The following AP3B1 variants were observed in gnomAD, a reference collection of about 807,000 sequenced individuals.
AP3B1 encodes the protein AP-3 complex subunit beta-1.
A neutral mutation model predicts 132.5 loss-of-function variants in AP3B1; 61 were observed. That is an observed-to-expected ratio of 0.46 (90% confidence interval 0.37 to 0.57). The LOEUF is 0.57. Among genes scored for constraint, AP3B1 ranks in the 20% least tolerant of loss-of-function variants. The pLI, the probability that AP3B1 is intolerant of heterozygous loss-of-function variation, is 0.00. For missense variants in AP3B1, 1,120 were observed against 1,289.4 expected (o/e 0.87, Z 2.01); for synonymous variants, 388 against 438.3 (o/e 0.89, Z 1.43).
chr5:78,031,387 AT>A (rs2112086297), intron 24 of AP3B1, among the ~76,000 whole-genome samples: 1 of 152,310 alleles, frequency 6.6e-6, no homozygotes, highest in African/African-American at 2.4e-5. Flanking sequence ...ATCTGAGAAT[AT>A]TTTGGATACT....
intron 20 of AP3B1, among the ~76,000 whole-genome samples, chr5:78,104,228 G>A (rs1289579491): frequency 1.3e-5 from 2 of 152,068 alleles, no homozygotes; most frequent in African/African-American, 4.8e-5. Context: ...CAAGTTAACT[G>A]ACAAATATGA....
chr5:78,217,813 G>A (rs1746023906), intron 6 of AP3B1, among the ~76,000 whole-genome samples: 1 of 151,874 alleles, frequency 6.6e-6, no homozygotes, highest in South Asian at 2.1e-4. Context: ...TAGTATCTAG[G>A]ATAAAATGAT....
chr5:78,188,775 C>A (rs111278432), intron 7 of AP3B1, among the ~76,000 whole-genome samples: 1 of 152,150 alleles, frequency 6.6e-6, no homozygotes, highest in South Asian at 2.1e-4. Context: ...GATATATGCA[C>A]GCAAATGTTC....
intron 8 of AP3B1, among the ~76,000 whole-genome samples, chr5:78,179,732 T>C (rs1040575405): frequency 2.6e-5 from 4 of 152,162 alleles, no homozygotes; most frequent in African/African-American, 9.6e-5. Flanking sequence ...TGATGTATTA[T>C]GTTTCCTGAA....
At chr5:78,056,521 A>T (rs896167741) in intron 22 of AP3B1, among the ~76,000 whole-genome samples, 2 of 152,242 alleles carry the variant, frequency 1.3e-5, no homozygotes, top group African/African-American at 4.8e-5. Flanking sequence ...CTGAATCACC[A>T]TTGGAAAAAT....
At chr5:78,190,067 CATATA>C (rs1171626281) in intron 7 of AP3B1, among the ~76,000 whole-genome samples, 1 of 151,692 alleles carries the variant, frequency 6.6e-6, no homozygotes, top group Non-Finnish European at 1.5e-5. Flanking sequence ...TACAAATTAA[CATATA>C]ATATTACAGA....
intron 6 of AP3B1, among the ~76,000 whole-genome samples, chr5:78,223,225 C>A (rs1161936298): frequency 1.3e-5 from 2 of 151,850 alleles, no homozygotes; most frequent in East Asian, 3.9e-4. Flanking sequence ...CTGGAAGGAA[C>A]TCTGTGCTAT....
At chr5:78,290,923 C>G (rs1385746664) in intron 1 of AP3B1, among the ~76,000 whole-genome samples, 1 of 152,022 alleles carries the variant, frequency 6.6e-6, no homozygotes, top group East Asian at 1.9e-4. Context: ...GCACTCCAGC[C>G]TAGGCAACAG....
At chr5:78,202,336 T>C (rs1257988810) in intron 7 of AP3B1, among the ~76,000 whole-genome samples, 1 of 152,112 alleles carries the variant, frequency 6.6e-6, no homozygotes, top group Non-Finnish European at 1.5e-5. Context: ...CTGAGATTCA[T>C]TTATTTAGGA....
At chr5:78,239,066 A>G (rs531520363) in intron 3 of AP3B1, among the ~76,000 whole-genome samples, 1 of 152,060 alleles carries the variant, frequency 6.6e-6, no homozygotes, top group African/African-American at 2.4e-5. Context: ...AAAATAAAGG[A>G]TTTTTTTATA....
At position 78,020,746 on chromosome 5, in the gene AP3B1, C is replaced by T; in HGVS notation, c.2938G>A (p.Gly980Arg). The T allele has an allele frequency of 6.2e-7, 1 of 1,612,616 alleles. No individual in the cohort carries two copies. The highest frequency in any genetic ancestry group is 8.5e-7 in the Non-Finnish European group (1 of 1,179,250). The change falls in exon 25 of 27, where the codon GGA becomes AGA. Residue 980 changes from glycine (G) to arginine (R), a missense_variant. Gly to Arg is a moderately radical substitution (Grantham distance 125). This residue lies in a region of AP3B1 where 906 missense variants were observed against 997.1 expected (regional missense o/e 0.91). Coordinates refer to ENST00000255194, the MANE Select transcript of AP3B1 (RefSeq NM_003664.5). ...ATGGCCACAGGTAAAAGCAGTTCTC[C>T]AACAGGTGGCTGAATATTAACATTG... The part of the protein sequence containing the change: ...CFNVNIQPPV[G>R]ELLLPVAMSE...
intron 1 of AP3B1, among the ~76,000 whole-genome samples, chr5:78,284,172 G>C (rs1001765478): frequency 6.6e-6 from 1 of 152,148 alleles, no homozygotes; most frequent in Non-Finnish European, 1.5e-5. Flanking sequence ...GACTAGAGTG[G>C]TGGAGAAATT....
At position 78,034,498 on chromosome 5, in the gene AP3B1, C is replaced by T. The variant is rs2291514; in HGVS notation, c.2810-53G>A. 359 of 1,309,396 alleles carry T rather than the reference C, an allele frequency of 2.7e-4. 4 individuals carry two copies. The East Asian group carries it at 8.2e-3, about 30-fold the overall frequency. The allele number at this position is 1,309,396 out of a possible 1,614,324, so 81.1% of individuals were successfully genotyped here. On this transcript the variant is annotated intron_variant, in intron 23 of 26. Coordinates refer to ENST00000255194, the MANE Select transcript of AP3B1 (RefSeq NM_003664.5). ...AAACACAGAGGATGTGAAAAAGAGGCAAACTAAACACTGAAAATTTAGGTA... is the reference window on the plus strand; with the variant it reads ...AAACACAGAGGATGTGAAAAAGAGGTAAACTAAACACTGAAAATTTAGGTA...
intron 17 of AP3B1, among the ~76,000 whole-genome samples, chr5:78,127,572 A>G (rs1752514775): frequency 6.6e-6 from 1 of 152,146 alleles, no homozygotes; most frequent in African/African-American, 2.4e-5. Context: ...AATGCTCCCT[A>G]TTTATGTTCA....
intron 17 of AP3B1, among the ~76,000 whole-genome samples, chr5:78,121,560 C>T (rs1254878827): frequency 1.3e-5 from 2 of 152,184 alleles, no homozygotes; most frequent in Non-Finnish European, 2.9e-5. Flanking sequence ...GAGAACACTA[C>T]AAACATCTCT....
chr5:78,117,666 C>T (rs1017300888), intron 17 of AP3B1, among the ~76,000 whole-genome samples: 1 of 152,066 alleles, frequency 6.6e-6, no homozygotes, highest in Non-Finnish European at 1.5e-5. Flanking sequence ...TATTTATTAG[C>T]CTCTTAAAGA....
At chr5:78,122,994 C>G (rs1232646190) in intron 17 of AP3B1, among the ~76,000 whole-genome samples, 2 of 152,306 alleles carry the variant, frequency 1.3e-5, no homozygotes, top group East Asian at 1.9e-4. Context: ...GGTACCAAAA[C>G]AGAGATATAG....
At chr5:78,225,185 TA>T (rs1353003716) in intron 6 of AP3B1, among the ~76,000 whole-genome samples, 19 of 152,178 alleles carry the variant, frequency 1.2e-4, no homozygotes, top group Admixed American at 1.2e-3. Flanking sequence ...TTGAGAAATA[TA>T]AAGTGGGTAC....
Position 78,141,277 on chromosome 5 carries a change from T to C in AP3B1, c.1516A>G (p.Asn506Asp). The change falls in exon 15 of 27, where the codon AAC becomes GAC. Residue 506 changes from asparagine to aspartate, a missense_variant. By Grantham distance (23) the Asn-to-Asp change is conservative. Around this residue, in one of 3 missense-constraint regions of AP3B1, gnomAD observed 906 missense variants for 997.1 expected, o/e 0.91. Transcript: ENST00000255194. ...GCAATTTTAGGAACTCGTTCACAGTTTTCTCCAATTAGCCAAAGAATACTT... is the reference window on the plus strand; with the variant it reads ...GCAATTTTAGGAACTCGTTCACAGTCTTCTCCAATTAGCCAAAGAATACTT... ...RASILWLIGE[N>D]CERVPKIAPD... 1 of 1,613,726 alleles carries C rather than the reference T, an allele frequency of 6.2e-7. No homozygotes were observed. Among genetic ancestry groups the C allele is most frequent in the Non-Finnish European group, 8.5e-7 (1 of 1,179,758 alleles).
Sources: gnomAD v4.1 joint callset for allele counts (sites outside exome capture counted in the v4.1 genomes callset) on GRCh38, gnomAD v4.1.1 for gene constraint, gnomAD v4.1.1 regional missense constraint, MANE v1.5 for transcripts, NCBI Gene and HGNC (gene_info 2026-07-23, HGNC 2026-07-21) for gene names.